Variants in NAV3 observed in about 807,000 individuals in gnomAD.
NAV3 encodes neuron navigator 3, also known as pore membrane and/or filament interacting like protein 1.
Under a neutral mutation model 244.7 loss-of-function variants are expected in NAV3, and 87 were observed. That is an observed-to-expected ratio of 0.36 (90% CI 0.30 to 0.42). The LOEUF (loss-of-function observed/expected upper bound fraction) is 0.42. Ranked by LOEUF, NAV3 falls within the 20% of genes least tolerant of loss-of-function variation. NAV3 has a pLI of 1.00. For missense variants in NAV3, 2,663 were observed against 2,893.3 expected (o/e 0.92, Z 1.83); for synonymous variants, 1,126 against 1,042.2 (o/e 1.08, Z -1.55).
intron 36 of NAV3, 84 bp downstream of exon 36, chr12:78,198,760 C>T (rs2140000333): frequency 1.1e-6 from 1 of 898,960 alleles, no homozygotes; most frequent in South Asian, 1.6e-5. Context: ...ATTGTTTCTT[C>T]CTGTTTGTTT....
intron 34 of NAV3, among the ~76,000 whole-genome samples, chr12:78,196,486 T>C (rs1436077307): frequency 6.6e-6 from 1 of 152,020 alleles, no homozygotes; most frequent in Non-Finnish European, 1.5e-5. Flanking sequence ...GCAAATATTA[T>C]GGAAATGTTC....
intron 2 of NAV3, among the ~76,000 whole-genome samples, chr12:77,607,241 T>C (rs116308321): frequency 0.02 from 3,080 of 152,176 alleles, 45 homozygotes; most frequent in Middle Eastern, 0.075. Context: ...GAGTTACCTA[T>C]GGAAAAGTTA....
intron 24 of NAV3, among the ~76,000 whole-genome samples, chr12:78,172,252 A>G (rs980247398): frequency 1.3e-5 from 2 of 151,704 alleles, no homozygotes; most frequent in African/African-American, 4.8e-5. Flanking sequence ...ATGTATTAAA[A>G]TTCTGTCAGC....
At chr12:78,190,246 G>A in intron 34 of NAV3, 27 bp downstream of exon 34, 1 of 1,561,084 alleles carries the variant, frequency 6.4e-7, no homozygotes, top group Non-Finnish European at 8.8e-7. Flanking sequence ...TAAGAGAACA[G>A]CTACAATTTA....
intron 2 of NAV3, among the ~76,000 whole-genome samples, chr12:77,574,090 T>A (rs1432618914): frequency 6.6e-6 from 1 of 152,116 alleles, no homozygotes; most frequent in African/African-American, 2.4e-5. Flanking sequence ...AAATACTACC[T>A]TGGTGATGTG....
At chr12:77,974,392 C>T (rs977813921) in intron 5 of NAV3, among the ~76,000 whole-genome samples, 1 of 152,026 alleles carries the variant, frequency 6.6e-6, no homozygotes, top group African/African-American at 2.4e-5. Flanking sequence ...AGCCATTCTC[C>T]TGCCTCAGCC....
intron 1 of NAV3, among the ~76,000 whole-genome samples, chr12:77,937,488 G>GT (rs1041512209): frequency 2.0e-5 from 3 of 152,072 alleles, no homozygotes; most frequent in Non-Finnish European, 4.4e-5. Context: ...ATATCATTTT[G>GT]TTTTTTATTT....
rs1565834733 is a variant in NAV3, at chr12:77,831,187, GA to G, written c.-274del. ...AGAGAGACAGAGAGAGAGAGAGAGA[GA>G]GAGAGACAGAGAGAGAGAGAGAGAG... On this transcript the variant is annotated 5_prime_UTR_variant, in exon 1 of 40. Transcript: ENST00000397909. 3.1e-5 allele frequency: 4 copies of G among 130,706 alleles called. No homozygotes were observed. Among genetic ancestry groups the G allele is most frequent in the Non-Finnish European group, 6.2e-5 (4 of 64,614 alleles). 8.1% of individuals were successfully genotyped at this position (130,706 alleles called of 1,614,324 possible).
At chr12:77,723,623 A>G (rs556621996) in intron 2 of NAV3, among the ~76,000 whole-genome samples, 1 of 152,092 alleles carries the variant, frequency 6.6e-6, no homozygotes, top group South Asian at 2.1e-4. Flanking sequence ...ATCTGGGTGC[A>G]GAGCCAACCT....
chr12:77,779,130 C>A (rs1870538099), intron 2 of NAV3, among the ~76,000 whole-genome samples: 1 of 152,144 alleles, frequency 6.6e-6, no homozygotes, highest in African/African-American at 2.4e-5. Flanking sequence ...TGTCATATTT[C>A]TTGTTTCCGC....
Position 78,188,661 on chromosome 12 carries a change from G to C in NAV3, c.5939G>C (p.Cys1980Ser), listed in dbSNP as rs2139852098. ...ACTAGCCTTGGTCTGAGCTCTGACT[G>C]CATTGCTAGCTACTGTATAGGAGAC... The part of the protein sequence containing the change: ...TSTSLGLSSD[C>S]IASYCIGDLI... The change falls in exon 33 of 40, where the codon TGC becomes TCC. Residue 1980 changes from cysteine to serine, a missense_variant. Coordinates refer to ENST00000397909, the MANE Select transcript of NAV3 (RefSeq NM_001024383.2). The C allele has an allele frequency of 6.2e-7, 1 of 1,612,192 alleles. No homozygotes were observed. The highest frequency in any genetic ancestry group is 2.2e-5 in the East Asian group (1 of 44,806).
intron 2 of NAV3, among the ~76,000 whole-genome samples, chr12:77,781,463 A>T (rs1036660585): frequency 6.6e-6 from 1 of 152,070 alleles, no homozygotes; most frequent in Non-Finnish European, 1.5e-5. Flanking sequence ...CTTTCAACCA[A>T]TTGCCAAGCA....
intron 2 of NAV3, among the ~76,000 whole-genome samples, chr12:77,645,202 G>A (rs1331920328): frequency 6.6e-6 from 1 of 151,844 alleles, no homozygotes; most frequent in Admixed American, 6.6e-5. Flanking sequence ...TGCTGATGGG[G>A]GTAGGAAGGG....
At chr12:78,080,191 G>A (rs1292758449) in intron 12 of NAV3, among the ~76,000 whole-genome samples, 4 of 152,132 alleles carry the variant, frequency 2.6e-5, no homozygotes, top group African/African-American at 4.8e-5. Flanking sequence ...CTCTTGCATA[G>A]TAGGTACTCA....
At chr12:78,156,054 C>T (rs541441420) in intron 22 of NAV3, among the ~76,000 whole-genome samples, 1 of 152,074 alleles carries the variant, frequency 6.6e-6, no homozygotes, top group Non-Finnish European at 1.5e-5. Context: ...GAGTTTTTGT[C>T]ATAAAATCTT....
intron 30 of NAV3, among the ~76,000 whole-genome samples, chr12:78,182,052 G>A (rs547191332): frequency 6.6e-6 from 1 of 152,000 alleles, no homozygotes; most frequent in Non-Finnish European, 1.5e-5. Context: ...TAAACTTCTG[G>A]TGGGGATTAG....
chr12:78,197,482 T>A (rs540444716), intron 35 of NAV3, 81 bp downstream of exon 35: 6 of 1,019,784 alleles, frequency 5.9e-6, no homozygotes, highest in East Asian at 5.5e-5. Flanking sequence ...TATGCATTTT[T>A]AAAATTTGTT....
intron 22 of NAV3, among the ~76,000 whole-genome samples, chr12:78,155,053 C>T (rs1209604151): frequency 6.6e-6 from 1 of 151,978 alleles, no homozygotes; most frequent in Admixed American, 6.6e-5. Flanking sequence ...CGTACATGGG[C>T]AGGATATGCA....
intron 1 of NAV3, among the ~76,000 whole-genome samples, chr12:77,931,694 A>G (rs185472433): frequency 2.5e-3 from 382 of 151,998 alleles, no homozygotes; most frequent in Middle Eastern, 6.8e-3. Context: ...ATGAAACCCT[A>G]TCTCTACTAA....
Sources: gnomAD v4.1 joint callset for allele counts (sites outside exome capture counted in the v4.1 genomes callset) on GRCh38, gnomAD v4.1.1 for gene constraint, MANE v1.5 for transcripts, NCBI Gene and HGNC (gene_info 2026-07-23, HGNC 2026-07-21) for gene names.